Variants in NYAP2 observed in about 807,000 individuals in gnomAD.
NYAP2 encodes neuronal tyrosine-phosphorylated phosphoinositide-3-kinase adapter 2.
A neutral mutation model predicts 50.4 loss-of-function variants in NYAP2; 23 were observed. The observed-to-expected ratio is 0.46, with a 90% confidence interval of 0.33 to 0.65. The LOEUF is 0.65. Ranked by LOEUF, NYAP2 falls within the 30% of genes least tolerant of loss-of-function variation. The probability of loss-of-function intolerance (pLI) is 0.02; values close to 1 mark genes in which losing one functional copy is unlikely to be tolerated. For missense variants in NYAP2, 885 were observed against 861.0 expected, an observed-to-expected ratio of 1.03 and a Z score of -0.35; for synonymous variants, 394 against 365.2, an observed-to-expected ratio of 1.08 and a Z score of -0.90.
At chr2:225,618,652 G>T (rs2106252003) in intron 5 of NYAP2, among the ~76,000 whole-genome samples, 1 of 152,278 alleles carries the variant, frequency 6.6e-6, no homozygotes, top group South Asian at 2.1e-4. Flanking sequence ...GCTGAAGAAA[G>T]AGCAAATATA....
exon 7 of NYAP2, chr2:225,652,597 T>C (rs1472191323): frequency 5.3e-5 from 8 of 152,212 alleles, no homozygotes; most frequent in Non-Finnish European, 1.2e-4. Flanking sequence ...TTAAGTATTA[T>C]AGGTGTTAAG....
intron 4 of NYAP2, among the ~76,000 whole-genome samples, chr2:225,550,539 G>A (rs889555730): frequency 6.6e-6 from 1 of 152,130 alleles, no homozygotes; most frequent in Non-Finnish European, 1.5e-5. Flanking sequence ...TAGAGAGGAG[G>A]CAAACATAAT....
chr2:225,513,551 C>T (rs753593363), exon 4 of NYAP2: 5 of 1,609,698 alleles, frequency 3.1e-6, no homozygotes, highest in East Asian at 4.5e-5. Flanking sequence ...GCAGCTGTGG[C>T]TCACGGAGAC....
chr2:225,403,901 A>G (rs1694900311), intron 2 of NYAP2, among the ~76,000 whole-genome samples: 1 of 152,032 alleles, frequency 6.6e-6, no homozygotes, highest in African/African-American at 2.4e-5. Flanking sequence ...GGTTGATATC[A>G]CAATGTATGA....
At chr2:225,505,701 T>C (rs1690691883) in intron 3 of NYAP2, among the ~76,000 whole-genome samples, 1 of 152,234 alleles carries the variant, frequency 6.6e-6, no homozygotes. Flanking sequence ...ATTATTATAC[T>C]GGTTCATTTA....
At chr2:225,581,221 T>C (rs1053414869) in intron 4 of NYAP2, among the ~76,000 whole-genome samples, 5 of 152,222 alleles carry the variant, frequency 3.3e-5, no homozygotes, top group African/African-American at 1.2e-4. Context: ...TTCTGATGTG[T>C]CAGTGGAACA....
At chr2:225,522,181 C>G (rs1186730970) in intron 4 of NYAP2, among the ~76,000 whole-genome samples, 1 of 151,904 alleles carries the variant, frequency 6.6e-6, no homozygotes, top group Non-Finnish European at 1.5e-5. Context: ...CTTTATTAGT[C>G]TTGCTTTATT....
intron 6 of NYAP2, among the ~76,000 whole-genome samples, chr2:225,632,026 C>G (rs1693326098): frequency 6.6e-6 from 1 of 152,120 alleles, no homozygotes; most frequent in African/African-American, 2.4e-5. Flanking sequence ...TCGCATTGAT[C>G]AGGCTAGTCT....
intron 3 of NYAP2, among the ~76,000 whole-genome samples, chr2:225,491,560 GT>G (rs1344055562): frequency 6.6e-6 from 1 of 152,102 alleles, no homozygotes; most frequent in Non-Finnish European, 1.5e-5. Flanking sequence ...TATCTCTATA[GT>G]TTTTACTACA....
chr2:225,594,927 C>A (rs1281523388), intron 5 of NYAP2, among the ~76,000 whole-genome samples: 1 of 152,048 alleles, frequency 6.6e-6, no homozygotes, highest in Non-Finnish European at 1.5e-5. Context: ...ATTAAGGAAT[C>A]TAAGAGGGAA....
the NYAP2 span, among the ~76,000 whole-genome samples, chr2:225,678,806 T>C: frequency 4.2e-3 from 640 of 152,248 alleles, 7 homozygotes; most frequent in Middle Eastern, 0.014. Flanking sequence ...TGCAGACATA[T>C]GGAATTTCTG....
intron 5 of NYAP2, among the ~76,000 whole-genome samples, chr2:225,618,637 G>T (rs952467488): frequency 6.6e-6 from 1 of 152,208 alleles, no homozygotes; most frequent in Non-Finnish European, 1.5e-5. Context: ...GGAGAGGTGT[G>T]TCAGGCTGAA....
chr2:225,445,059 G>A (rs1689531146), intron 3 of NYAP2, among the ~76,000 whole-genome samples: 1 of 152,070 alleles, frequency 6.6e-6, no homozygotes, highest in Non-Finnish European at 1.5e-5. Flanking sequence ...CACAGAAAGT[G>A]CTGTAGTTTG....
At chr2:225,459,987 A>T (rs1289767606) in intron 3 of NYAP2, among the ~76,000 whole-genome samples, 1 of 152,084 alleles carries the variant, frequency 6.6e-6, no homozygotes, top group African/African-American at 2.4e-5. Context: ...TGATGTTTTG[A>T]TGCTTTGGAA....
At chr2:225,664,856 G>C in the NYAP2 span, among the ~76,000 whole-genome samples, 3 of 152,104 alleles carry the variant, frequency 2.0e-5, no homozygotes, top group African/African-American at 7.2e-5. Context: ...CTGGGCGACA[G>C]AGCGAGAGTC....
At chr2:225,631,071 G>A (rs1647289731) in intron 6 of NYAP2, among the ~76,000 whole-genome samples, 1 of 152,200 alleles carries the variant, frequency 6.6e-6, no homozygotes, top group South Asian at 2.1e-4. Flanking sequence ...AGGAAATTCA[G>A]ATGACACCCT....
At chr2:225,678,441 T>C in the NYAP2 span, among the ~76,000 whole-genome samples, 4 of 152,160 alleles carry the variant, frequency 2.6e-5, no homozygotes, top group Non-Finnish European at 5.9e-5. Flanking sequence ...TATTTATTTA[T>C]GTATTTAATT....
intron 5 of NYAP2, among the ~76,000 whole-genome samples, chr2:225,623,226 C>T (rs955683614): frequency 1.3e-5 from 2 of 152,190 alleles, no homozygotes; most frequent in Non-Finnish European, 2.9e-5. Context: ...TTGGCAAAGA[C>T]TCAGAGGCAG....
intron 6 of NYAP2, among the ~76,000 whole-genome samples, chr2:225,629,138 C>T (rs761261213): frequency 5.9e-5 from 9 of 152,166 alleles, no homozygotes; most frequent in Non-Finnish European, 1.2e-4. Context: ...AGCTCAAAGG[C>T]CTGAGAACTA....
Sources: gnomAD v4.1 joint callset for allele counts (sites outside exome capture counted in the v4.1 genomes callset) on GRCh38, gnomAD v4.1.1 for gene constraint, MANE v1.5 for transcripts, NCBI Gene and HGNC (gene_info 2026-07-23, HGNC 2026-07-21) for gene names.